The following SMAD2 variants were observed in gnomAD, a reference collection of about 807,000 sequenced individuals.
SMAD2 encodes MAD homolog 2.
Under a neutral mutation model 64.4 loss-of-function variants are expected in SMAD2, and 8 were observed. The ratio of observed to expected loss-of-function variants is 0.12; its 90% CI spans 0.07 to 0.22. The LOEUF (loss-of-function observed/expected upper bound fraction) is 0.22. Ranked by LOEUF, SMAD2 falls within the 10% of genes least tolerant of loss-of-function variation. The pLI, the probability that SMAD2 is intolerant of heterozygous loss-of-function variation, is 1.00. For missense variants in SMAD2, 289 were observed against 561.2 expected (o/e 0.51, Z 4.90); for synonymous variants, 203 against 195.8 (o/e 1.04, Z -0.31).
chr18:47,912,851 T>C (rs906211588), intron 1 of SMAD2, among the ~76,000 whole-genome samples: 1 of 25,316 alleles, frequency 4.0e-5, no homozygotes, highest in Non-Finnish European at 8.3e-5. Flanking sequence ...AACTTCTGTA[T>C]AAACAGCAAA....
At chr18:47,873,946 GGAAGATACCCTGTAAAGAAA>G (rs1354302810) in intron 2 of SMAD2, among the ~76,000 whole-genome samples, 1 of 152,036 alleles carries the variant, frequency 6.6e-6, no homozygotes, top group African/African-American at 2.4e-5. Context: ...GAAAAAAGAA[GGAAGATACCCTGTAAAGAAA>G]GAGGCACAAG....
At chr18:47,901,220 G>T (rs1358875847) in intron 1 of SMAD2, among the ~76,000 whole-genome samples, 1 of 152,102 alleles carries the variant, frequency 6.6e-6, no homozygotes, top group African/African-American at 2.4e-5. Context: ...AAGGATTGTG[G>T]TAACTCTGGT....
At position 47,830,217 on chromosome 18, in the gene SMAD2, A is replaced by C. The variant is rs1912932475; in HGVS notation, c.*11610T>G. ...AACAGACACTAATAAGTTTTTTTTC[A>C]ATATAAAAGAGCAACCTAGACATTC... is the stretch of plus-strand genomic sequence containing the variant. On this transcript the variant is annotated 3_prime_UTR_variant, in exon 11 of 11. Coordinates refer to ENST00000262160, the MANE Select transcript of SMAD2 (RefSeq NM_005901.6). 6.6e-6 allele frequency: 1 copy of C among 152,112 alleles called. No homozygotes were observed. Among genetic ancestry groups the C allele is most frequent in the South Asian group, 2.1e-4 (1 of 4,834 alleles). 9.4% of individuals were successfully genotyped at this position (152,112 alleles called of 1,614,324 possible). A position where few individuals can be genotyped will look rare whatever the true frequency, so the allele number is the denominator to read the frequency against.
chr18:47,880,876 T>C (rs1361145398), intron 2 of SMAD2, among the ~76,000 whole-genome samples: 2 of 152,192 alleles, frequency 1.3e-5, no homozygotes, highest in East Asian at 1.9e-4. Flanking sequence ...ACCGTACACA[T>C]GTGGGATCAG....
intron 5 of SMAD2, 177 bp downstream of exon 5, chr18:47,868,146 T>C (rs1171465341): frequency 3.3e-6 from 2 of 603,022 alleles, no homozygotes; most frequent in Non-Finnish European, 5.9e-6. Flanking sequence ...CAAACAAAAC[T>C]GTTTAATGTA....
rs1296399476 is a variant in SMAD2, at chr18:47,820,894, TATACACACACACACACAC to T, written c.*20915_*20932del. The T allele has an allele frequency of 5.0e-4, 52 of 103,036 alleles. No individual in the cohort carries two copies. The highest frequency in any genetic ancestry group is 2.1e-3 in the African/African-American group (50 of 24,348). 6.4% of individuals were successfully genotyped at this position (103,036 alleles called of 1,614,324 possible). ...GATAGTGTAAATGCTATACATGCACTATACACACACACACACACACACACACACACACACACACACACA... is the reference window on the plus strand; with the variant it reads ...GATAGTGTAAATGCTATACATGCACTACACACACACACACACACACACACA... On this transcript the variant is annotated 3_prime_UTR_variant, in exon 11 of 11. Transcript: ENST00000262160.
In SMAD2 at chr18:47,903,889, G is replaced by GC. The variant is rs1555660347; in HGVS notation, c.-53-7081_-53-7080insG. The stretch of plus-strand genomic sequence containing the variant: ...GAAAAAACAGTGTGGGGGGGGGGGG[G>GC]ACTCAGAATATCCAAAACCAAATGT... On this transcript the variant is annotated intron_variant, in intron 1 of 10. Transcript: ENST00000262160. Among the ~76,000 whole-genome samples, 13 of 95,782 alleles carry GC rather than the reference G, an allele frequency of 1.4e-4. 2 individuals are homozygous for GC. Among genetic ancestry groups the GC allele is most frequent in the Non-Finnish European group, 2.8e-4 (13 of 46,144 alleles). 62.8% of individuals were successfully genotyped at this position (95,782 alleles called of 152,430 possible).
intron 4 of SMAD2, among the ~76,000 whole-genome samples, chr18:47,868,725 C>G (rs1248030144): frequency 6.6e-6 from 1 of 152,070 alleles, no homozygotes; most frequent in Admixed American, 6.6e-5. Context: ...CATAAAAGTT[C>G]ATAAATCCCC....
At chr18:47,921,225 G>C (rs1012401946) in intron 1 of SMAD2, among the ~76,000 whole-genome samples, 1 of 152,076 alleles carries the variant, frequency 6.6e-6, no homozygotes, top group Non-Finnish European at 1.5e-5. Flanking sequence ...AAGAAGAAAG[G>C]CATTCATTAC....
rs1912742605 is a variant in SMAD2, at chr18:47,826,047, G to C, written c.*15780C>G. 1 of 152,202 alleles carries C rather than the reference G, an allele frequency of 6.6e-6. No individual in the cohort carries two copies. The highest frequency in any genetic ancestry group is 1.5e-5 in the Non-Finnish European group (1 of 68,042). 9.4% of individuals were successfully genotyped at this position (152,202 alleles called of 1,614,324 possible). A position where few individuals can be genotyped will look rare whatever the true frequency, so the allele number is the denominator to read the frequency against. On this transcript the variant is annotated 3_prime_UTR_variant, in exon 11 of 11. Coordinates refer to ENST00000262160, the MANE Select transcript of SMAD2 (RefSeq NM_005901.6). ...CTGTACAGGATAGGCTCAGCGTTTG[G>C]AGAGTGTTAACTTCCAGTCATGTGA... is the stretch of plus-strand genomic sequence containing the variant.
chr18:47,850,191 A>G (rs1357933908), intron 7 of SMAD2, among the ~76,000 whole-genome samples: 2 of 99,572 alleles, frequency 2.0e-5, no homozygotes, highest in African/African-American at 8.3e-5. Context: ...TATATATTAT[A>G]TATAGTATAT....
chr18:47,905,038 A>G (rs533465422), intron 1 of SMAD2, among the ~76,000 whole-genome samples: 42 of 152,318 alleles, frequency 2.8e-4, no homozygotes, highest in Non-Finnish European at 5.1e-4. Context: ...AACAAAGAAA[A>G]GATAGACTGG....
rs1369541761 is a variant in SMAD2 at position 47,832,149 on chromosome 18, G to T, written c.*9678C>A. The T allele has an allele frequency of 2.0e-5, 3 of 152,128 alleles. No homozygotes were observed. The highest frequency in any genetic ancestry group is 7.2e-5 in the African/African-American group (3 of 41,418). 9.4% of individuals were successfully genotyped at this position (152,128 alleles called of 1,614,324 possible). On this transcript the variant is annotated 3_prime_UTR_variant, in exon 11 of 11. Coordinates refer to ENST00000262160, the MANE Select transcript of SMAD2 (RefSeq NM_005901.6). ...CAAGTGGGGAGACAGCCCAAACATA[G>T]ACCTTAATACTTCTCTCATACTCTT...
intron 2 of SMAD2, among the ~76,000 whole-genome samples, chr18:47,885,475 A>G (rs775272107): frequency 5.3e-5 from 8 of 152,158 alleles, no homozygotes; most frequent in Non-Finnish European, 1.2e-4. Context: ...GCCAATATAT[A>G]CTGTTTTTAA....
At chr18:47,921,505 T>C (rs2034558989) in intron 1 of SMAD2, among the ~76,000 whole-genome samples, 1 of 152,214 alleles carries the variant, frequency 6.6e-6, no homozygotes, top group Non-Finnish European at 1.5e-5. Flanking sequence ...GTAGATGTTT[T>C]CATGTACCCT....
intron 3 of SMAD2, 91 bp downstream of exon 3, chr18:47,870,383 CA>C: frequency 1.1e-6 from 1 of 904,402 alleles, no homozygotes. Flanking sequence ...ACATCCTAGG[CA>C]AAATTATACT....
At chr18:47,846,021 ACT>A (rs1415892200) in intron 8 of SMAD2, among the ~76,000 whole-genome samples, 1 of 152,146 alleles carries the variant, frequency 6.6e-6, no homozygotes, top group Non-Finnish European at 1.5e-5. Flanking sequence ...ATGTGTACTG[ACT>A]GAAAGTATTT....
At chr18:47,912,508 G>A (rs531396605) in intron 1 of SMAD2, 2 of 152,294 alleles carry the variant, frequency 1.3e-5, no homozygotes, top group Non-Finnish European at 2.9e-5. Context: ...ATGGCCAGGA[G>A]GCAGCATAAA....
Position 47,821,877 on chromosome 18 carries a change from C to CCTGT in SMAD2, c.*19946_*19949dup, listed in dbSNP as rs1369218334. ...ATTCTTGTTAAATATTTTATAGTGA[C>CCTGT]CTGTGATCCTGTTTCGAACTTTTGA... On this transcript the variant is annotated 3_prime_UTR_variant, in exon 11 of 11. Transcript: ENST00000262160. 1.3e-5 allele frequency: 2 copies of CCTGT among 152,046 alleles called. No homozygotes were observed. The highest frequency in any genetic ancestry group is 4.8e-5 in the African/African-American group (2 of 41,394). The allele number at this position is 152,046 out of a possible 1,614,324, so 9.4% of individuals were successfully genotyped here.
Sources: allele counts gnomAD v4.1 joint callset (sites outside exome capture counted in the v4.1 genomes callset), GRCh38; gene constraint gnomAD v4.1.1; transcripts MANE v1.5; gene names NCBI Gene and HGNC (gene_info 2026-07-23, HGNC 2026-07-21).